ARSG: variants seen among roughly 807,000 people sequenced by gnomAD.
ARSG encodes arylsulfatase G.
ARSG carries 37 observed loss-of-function variants against 50.5 expected under a neutral mutation model. The observed-to-expected ratio is 0.73, with a 90% CI of 0.56 to 0.96. The LOEUF is 0.96. ARSG is among the 50% of genes least tolerant of loss of function. The probability of loss-of-function intolerance (pLI) is 0.00; values close to 1 mark genes in which losing one functional copy is unlikely to be tolerated. For missense variants in ARSG, 629 were observed against 675.3 expected, an observed-to-expected ratio of 0.93 and a Z score of 0.76; for synonymous variants, 225 against 254.6, an observed-to-expected ratio of 0.88 and a Z score of 1.11.
At chr17:68,262,473 AC>A (rs1396469626) in intron 1 of ARSG, among the ~76,000 whole-genome samples, 8 of 148,154 alleles carry the variant, frequency 5.4e-5, no homozygotes, top group South Asian at 2.2e-4. Flanking sequence ...TGCCCCCCCA[AC>A]CCCCCCAGAA....
At chr17:68,340,961 C>T (rs1414801909) in intron 2 of ARSG, among the ~76,000 whole-genome samples, 1 of 152,022 alleles carries the variant, frequency 6.6e-6, no homozygotes, top group Non-Finnish European at 1.5e-5. Flanking sequence ...TTACCTTTTA[C>T]CCTGGAAATC....
At chr17:68,441,057 G>C in the ARSG span, 1 of 152,182 alleles carries the variant, frequency 6.6e-6, no homozygotes, top group East Asian at 1.9e-4. Flanking sequence ...GTGTGGTATG[G>C]AACGCTCCCT....
chr17:68,357,272 T>C (rs1301555189), intron 6 of ARSG, among the ~76,000 whole-genome samples: 3 of 152,244 alleles, frequency 2.0e-5, no homozygotes, highest in Non-Finnish European at 2.9e-5. Flanking sequence ...GCCAGATGTC[T>C]GAAATGAGTC....
In ARSG at chr17:68,395,199, T is replaced by C; in HGVS notation, c.1212+6T>C. 4 of 1,613,734 alleles carry C rather than the reference T, an allele frequency of 2.5e-6. No homozygotes were observed. Among genetic ancestry groups the C allele is most frequent in the Non-Finnish European group, 3.4e-6 (4 of 1,179,816 alleles). ...GGTCACAGCCTGGGCACAGGGTAAG[T>C]GGAGGAGGTACTTGCCCACATGTAG... On this transcript the variant is annotated splice_donor_region_variant and intron_variant, in intron 10 of 11. Coordinates refer to ENST00000621439, the MANE Select transcript of ARSG (RefSeq NM_001267727.2).
rs571497628 is a variant in ARSG, at chr17:68,406,951, A to G, written c.1303+5501A>G. Among the ~76,000 whole-genome samples, 4 of 152,338 alleles carry G rather than the reference A, an allele frequency of 2.6e-5. No individual in the cohort carries two copies. The South Asian group carries it at 6.2e-4, about 24-fold the overall frequency. On this transcript the variant is annotated intron_variant, in intron 11 of 11. Transcript: ENST00000621439. ...GTTCATGAAATCCTTGCCTAAGCCAATGTCTAGAAGGGCTTTTCCAATGTT... is the reference window on the plus strand; with the variant it reads ...GTTCATGAAATCCTTGCCTAAGCCAGTGTCTAGAAGGGCTTTTCCAATGTT...
In ARSG at chr17:68,360,163, A is replaced by G. The variant is rs115000270; in HGVS notation, c.704+3359A>G. Among the ~76,000 whole-genome samples, 442 of 152,344 alleles carry G rather than the reference A, an allele frequency of 2.9e-3. 2 individuals are homozygous for G. The highest frequency in any genetic ancestry group is 9.4e-3 in the African/African-American group (390 of 41,580). On this transcript the variant is annotated intron_variant, in intron 6 of 11. Transcript: ENST00000621439. ...AATCAACCGACAGCCTCCTTATTAT[A>G]CAAAAAAGGGGAACAGTTTTGTTAA...
At chr17:68,318,398 A>G (rs2077155190) in intron 2 of ARSG, among the ~76,000 whole-genome samples, 1 of 152,202 alleles carries the variant, frequency 6.6e-6, no homozygotes, top group Non-Finnish European at 1.5e-5. Flanking sequence ...GAAAATTCTC[A>G]GGCTGGGAAG....
downstream of ARSG, chr17:68,424,566 T>G (rs2083026918): frequency 1.9e-6 from 1 of 520,690 alleles, no homozygotes; most frequent in Admixed American, 2.0e-5. Flanking sequence ...GAGCTGATGC[T>G]CCAAGTCTTG....
chr17:68,294,364 C>T (rs1257817533), intron 1 of ARSG, among the ~76,000 whole-genome samples: 6 of 152,196 alleles, frequency 3.9e-5, no homozygotes, highest in Admixed American at 3.9e-4. Flanking sequence ...TCTCTGTCCA[C>T]GTTTATAGTC....
At chr17:68,411,917 GT>G (rs1479736704) in intron 11 of ARSG, among the ~76,000 whole-genome samples, 1 of 151,580 alleles carries the variant, frequency 6.6e-6, no homozygotes, top group Non-Finnish European at 1.5e-5. Context: ...TTTAAAGTCT[GT>G]TTTATCAGAG....
chr17:68,415,628 C>T (rs2082317154), intron 11 of ARSG, among the ~76,000 whole-genome samples: 1 of 151,996 alleles, frequency 6.6e-6, no homozygotes, highest in South Asian at 2.1e-4. Context: ...TATTGAAGTC[C>T]CCCACTATTA....
intron 1 of ARSG, among the ~76,000 whole-genome samples, chr17:68,264,408 C>T (rs1374151261): frequency 2.0e-5 from 3 of 151,946 alleles, no homozygotes; most frequent in South Asian, 2.1e-4. Context: ...GTATTAGTTA[C>T]GGATACATAG....
intron 2 of ARSG, among the ~76,000 whole-genome samples, chr17:68,332,370 GC>G (rs2077815247): frequency 6.6e-6 from 1 of 152,196 alleles, no homozygotes; most frequent in South Asian, 2.1e-4. Flanking sequence ...TTTTCAAGAT[GC>G]CCAGATTTCA....
intron 5 of ARSG, among the ~76,000 whole-genome samples, chr17:68,352,268 C>T (rs1263585829): frequency 6.6e-6 from 1 of 151,206 alleles, no homozygotes; most frequent in Non-Finnish European, 1.5e-5. Flanking sequence ...TGTTGGAATG[C>T]CAAACAGGCA....
At chr17:68,370,556 A>T in intron 8 of ARSG, 32 bp downstream of exon 8, 6 of 1,599,794 alleles carry the variant, frequency 3.8e-6, no homozygotes, top group Non-Finnish European at 5.1e-6. Flanking sequence ...GGTGGATCCC[A>T]TTGCAATGCT....
In ARSG at chr17:68,411,052, T is replaced by C. The variant is rs1158390289; in HGVS notation, c.1304-9137T>C. Among the ~76,000 whole-genome samples, 4 of 152,342 alleles carry C rather than the reference T, an allele frequency of 2.6e-5. No homozygotes were observed. In the East Asian group the frequency reaches 7.7e-4, roughly 29 times the overall value. ...TGTCTTGCTAGCGGTCTATCAATTT[T>C]GTTGATCCTTTCAAAAAACCAGCTC... On this transcript the variant is annotated intron_variant, in intron 11 of 11. Coordinates refer to ENST00000621439, the MANE Select transcript of ARSG (RefSeq NM_001267727.2).
intron 8 of ARSG, among the ~76,000 whole-genome samples, chr17:68,374,918 C>G (rs1469134291): frequency 6.6e-6 from 1 of 151,930 alleles, no homozygotes; most frequent in African/African-American, 2.4e-5. Flanking sequence ...TGGGCAACCA[C>G]CATCTCTCCT....
chr17:68,301,529 C>A (rs2076417022), intron 1 of ARSG, among the ~76,000 whole-genome samples: 1 of 152,190 alleles, frequency 6.6e-6, no homozygotes, highest in Non-Finnish European at 1.5e-5. Context: ...CTCGCTCTAG[C>A]ACTGTCTCTC....
chr17:68,326,691 A>G (rs2077518490), intron 2 of ARSG, among the ~76,000 whole-genome samples: 1 of 152,156 alleles, frequency 6.6e-6, no homozygotes, highest in Non-Finnish European at 1.5e-5. Context: ...AAAAAAGCAG[A>G]AAGTAAAAGC....
Sources: allele counts gnomAD v4.1 joint callset (sites outside exome capture counted in the v4.1 genomes callset), GRCh38; gene constraint gnomAD v4.1.1; transcripts MANE v1.5; gene names NCBI Gene and HGNC (gene_info 2026-07-23, HGNC 2026-07-21).